The following LARGE1 variants were observed in gnomAD, a reference collection of about 807,000 sequenced individuals.
LARGE1 encodes LARGE xylosyl- and glucuronyltransferase 1.
LARGE1 carries 43 observed loss-of-function variants against 87.6 expected under a neutral mutation model. That is an observed-to-expected ratio of 0.49 (90% CI 0.38 to 0.63). LARGE1 has a LOEUF of 0.63. Ranked by LOEUF, LARGE1 falls within the 30% of genes least tolerant of loss-of-function variation. LARGE1 has a pLI of 0.00. For synonymous variants in LARGE1, 434 were observed against 394.6 expected (o/e 1.10, Z -1.18); for missense variants, 802 against 1,000.2 (o/e 0.80, Z 2.67).
At chr22:33,534,598 C>A (rs1263818093) in intron 6 of LARGE1, among the ~76,000 whole-genome samples, 1 of 152,154 alleles carries the variant, frequency 6.6e-6, no homozygotes, top group African/African-American at 2.4e-5. Flanking sequence ...GTGTCAACTG[C>A]AATCCTAGGG....
intron 12 of LARGE1, among the ~76,000 whole-genome samples, chr22:33,285,916 T>G (rs1028146743): frequency 1.3e-5 from 2 of 152,196 alleles, no homozygotes; most frequent in Admixed American, 6.5e-5. Flanking sequence ...CCGTGGTTAA[T>G]GGATCTCACC....
chr22:33,358,997 TA>T (rs35961638), intron 9 of LARGE1, among the ~76,000 whole-genome samples: 71,002 of 141,714 alleles, frequency 0.5, 17,300 homozygotes, highest in Middle Eastern at 0.58. Flanking sequence ...GACTCCATCT[TA>T]AAAAAAAAAA....
chr22:33,156,975 G>T, the LARGE1 span, among the ~76,000 whole-genome samples: 2 of 152,264 alleles, frequency 1.3e-5, no homozygotes, highest in South Asian at 4.1e-4. Flanking sequence ...CCCTTCTCTT[G>T]TCTGCCACCA....
intron 2 of LARGE1, among the ~76,000 whole-genome samples, chr22:33,677,975 T>C (rs969819477): frequency 2.0e-5 from 3 of 152,194 alleles, no homozygotes; most frequent in Admixed American, 2.0e-4. Flanking sequence ...CAACTCAATG[T>C]GTCTAATATC....
intron 5 of LARGE1, among the ~76,000 whole-genome samples, chr22:33,601,453 T>C (rs903889792): frequency 2.6e-5 from 4 of 152,160 alleles, no homozygotes; most frequent in African/African-American, 9.7e-5. Context: ...AGTAGGCAGA[T>C]CATGGCTTTG....
chr22:33,690,245 G>C (rs867222126), intron 2 of LARGE1, among the ~76,000 whole-genome samples: 32 of 152,326 alleles, frequency 2.1e-4, no homozygotes, highest in Middle Eastern at 3.4e-3. Flanking sequence ...GCAAAATGAA[G>C]TAACAGCTAC....
At position 33,693,188 on chromosome 22, in the gene LARGE1, C is replaced by T. The variant is rs1052155108; in HGVS notation, c.107-42520G>A. On this transcript the variant is annotated intron_variant, in intron 2 of 14. Coordinates refer to ENST00000397394, the MANE Select transcript of LARGE1 (RefSeq NM_133642.5). ...ACACGTTTTCACTTACAAGTGAGAG[C>T]TAAACTACGGTTCGCAAAGGCAGAA... 5.9e-5 allele frequency among the ~76,000 whole-genome samples: 9 copies of T among 152,230 alleles called. 1 individual carries two copies. Among genetic ancestry groups the T allele is most frequent in the Non-Finnish European group, 1.5e-5 (1 of 68,020 alleles).
intron 1 of LARGE1, among the ~76,000 whole-genome samples, chr22:33,850,127 C>T (rs928521400): frequency 1.3e-5 from 2 of 152,126 alleles, no homozygotes; most frequent in African/African-American, 4.8e-5. Context: ...ACCACAACCA[C>T]TCATATTTAA....
At chr22:33,915,628 G>A (rs138851669) in intron 1 of LARGE1, among the ~76,000 whole-genome samples, 246 of 152,012 alleles carry the variant, frequency 1.6e-3, no homozygotes, top group African/African-American at 5.7e-3. Flanking sequence ...GAATGATAAC[G>A]GACAAAAGAA....
At chr22:33,734,400 A>G (rs1476449393) in intron 2 of LARGE1, among the ~76,000 whole-genome samples, 4 of 152,156 alleles carry the variant, frequency 2.6e-5, no homozygotes, top group African/African-American at 9.7e-5. Flanking sequence ...AGGAACAGAG[A>G]ATGGGAGACC....
intron 1 of LARGE1, among the ~76,000 whole-genome samples, chr22:33,786,579 T>C (rs1330951096): frequency 1.3e-5 from 2 of 152,114 alleles, no homozygotes; most frequent in African/African-American, 4.8e-5. Context: ...CTCCAGAGGG[T>C]CTCCGAGAAT....
chr22:33,839,634 T>C (rs1194972958), intron 1 of LARGE1, among the ~76,000 whole-genome samples: 1 of 152,142 alleles, frequency 6.6e-6, no homozygotes, highest in East Asian at 1.9e-4. Flanking sequence ...GAACAACTAG[T>C]GAGAATAAGA....
intron 2 of LARGE1, among the ~76,000 whole-genome samples, chr22:33,760,918 C>T (rs1279809916): frequency 1.3e-5 from 2 of 151,624 alleles, no homozygotes; most frequent in Non-Finnish European, 2.9e-5. Flanking sequence ...GACTCCGTCT[C>T]AAAAAAACCA....
At chr22:33,829,879 C>A (rs1432541342) in intron 1 of LARGE1, among the ~76,000 whole-genome samples, 1 of 152,260 alleles carries the variant, frequency 6.6e-6, no homozygotes, top group East Asian at 1.9e-4. Flanking sequence ...AGCCAAGGAG[C>A]TCCCAGTCAT....
At chr22:33,537,669 C>A (rs1021721366) in intron 6 of LARGE1, among the ~76,000 whole-genome samples, 9 of 152,168 alleles carry the variant, frequency 5.9e-5, no homozygotes, top group Non-Finnish European at 8.8e-5. Flanking sequence ...TGGGTTCAAG[C>A]AAGTCTCCTC....
rs1008359088 is a variant in LARGE1 at position 33,516,647 on chromosome 22, G to A, written c.787+48201C>T. On this transcript the variant is annotated intron_variant, in intron 6 of 14. Coordinates refer to ENST00000397394, the MANE Select transcript of LARGE1 (RefSeq NM_133642.5). ...TTCTGCCATCAGGCTGGAGTGCAGT[G>A]GTGCCATCTCCGCTCACTGCAAACT... Among the ~76,000 whole-genome samples the A allele has an allele frequency of 3.1e-5, 3 of 96,224 alleles. No homozygotes were observed. In the East Asian group the frequency reaches 9.4e-4, roughly 30 times the overall value. 63.1% of individuals were successfully genotyped at this position (96,224 alleles called of 152,430 possible).
upstream of LARGE1, among the ~76,000 whole-genome samples, chr22:33,921,417 A>G (rs1343460144): frequency 2.0e-5 from 3 of 152,062 alleles, no homozygotes; most frequent in African/African-American, 7.2e-5. This position sits in a 1 kb window ranked among gnomAD's most constrained non-coding sequence, Gnocchi z 4.1. Flanking sequence ...CGTGGTAGAG[A>G]GGCTCGCAGG....
intron 1 of LARGE1, among the ~76,000 whole-genome samples, chr22:33,789,794 G>A (rs2085765050): frequency 1.3e-5 from 2 of 152,152 alleles, no homozygotes; most frequent in African/African-American, 4.8e-5. Flanking sequence ...ATTTGGAATG[G>A]GAATTTTTAC....
chr22:33,555,084 T>C (rs1341325118), intron 6 of LARGE1, among the ~76,000 whole-genome samples: 2 of 152,246 alleles, frequency 1.3e-5, no homozygotes, highest in Admixed American at 6.5e-5. Context: ...TTTTTTTGTC[T>C]TCTTACTATT....
Sources: gnomAD v4.1 joint callset for allele counts (sites outside exome capture counted in the v4.1 genomes callset) on GRCh38, gnomAD v4.1.1 for gene constraint, Gnocchi (gnomAD v3.1) non-coding constraint, MANE v1.5 for transcripts, NCBI Gene and HGNC (gene_info 2026-07-23, HGNC 2026-07-21) for gene names.